TEX12: variants seen among roughly 807,000 people sequenced by gnomAD.
TEX12 encodes testis expressed 12, also known as testis-expressed protein 12.
Under a neutral mutation model 14.6 loss-of-function variants are expected in TEX12, and 7 were observed. The observed-to-expected ratio is 0.48, with a 90% CI of 0.27 to 0.90. TEX12 has a LOEUF of 0.90. Among genes scored for constraint, TEX12 ranks in the 40% least tolerant of loss-of-function variants. The probability of loss-of-function intolerance (pLI) is 0.12; values close to 1 mark genes in which losing one functional copy is unlikely to be tolerated. For synonymous variants in TEX12, 57 were observed against 49.1 expected (o/e 1.16, Z -0.67); for missense variants, 121 against 135.7 (o/e 0.89, Z 0.54).
chr11:112,168,858 A>T (rs1288897438), intron 1 of TEX12, among the ~76,000 whole-genome samples: 2 of 152,164 alleles, frequency 1.3e-5, no homozygotes, highest in Non-Finnish European at 2.9e-5. Flanking sequence ...GGCCGAAGAT[A>T]AAAGAATCTT....
rs1322387852 is a variant in TEX12 at position 112,172,081 on chromosome 11, C to G, written c.*165C>G. The stretch of plus-strand genomic sequence containing the variant: ...GGTTTAAAAAGGAACTTTTAAATTC[C>G]TTAATGTTAATATTAATGTTCATGT... On this transcript the variant is annotated 3_prime_UTR_variant, in exon 5 of 5. Coordinates refer to ENST00000280358, the MANE Select transcript of TEX12 (RefSeq NM_031275.4). 1.9e-5 allele frequency: 8 copies of G among 417,604 alleles called. No homozygotes were observed. 25.9% of individuals were successfully genotyped at this position (417,604 alleles called of 1,614,324 possible). A position where few individuals can be genotyped will look rare whatever the true frequency, so the allele number is the denominator to read the frequency against.
At chr11:112,170,863 T>A (rs951633675) in intron 4 of TEX12, among the ~76,000 whole-genome samples, 189 bp downstream of exon 4, 2 of 152,282 alleles carry the variant, frequency 1.3e-5, no homozygotes, top group African/African-American at 2.4e-5. Context: ...ACTTTTCCAC[T>A]AAAAATCCTT....
At chr11:112,168,927 A>T (rs1335729985) in intron 1 of TEX12, among the ~76,000 whole-genome samples, 1 of 152,236 alleles carries the variant, frequency 6.6e-6, no homozygotes, top group Admixed American at 6.5e-5. Flanking sequence ...GGCTAAGTAC[A>T]TAGAGAGGAG....
intron 1 of TEX12, among the ~76,000 whole-genome samples, 192 bp downstream of exon 1, chr11:112,167,679 C>T (rs1188889836): frequency 3.3e-5 from 5 of 152,122 alleles, no homozygotes; most frequent in Non-Finnish European, 5.9e-5. Context: ...TGCTTAGTAA[C>T]AGCCAGGTCA....
Position 112,170,718 on chromosome 11 carries a change from T to A in TEX12, c.227+44T>A, listed in dbSNP as rs756238701. The A allele has an allele frequency of 2.7e-6, 4 of 1,480,906 alleles. No homozygotes were observed. The South Asian group carries it at 4.7e-5, about 17-fold the overall frequency. 91.7% of individuals were successfully genotyped at this position (1,480,906 alleles called of 1,614,324 possible). On this transcript the variant is annotated intron_variant, in intron 4 of 4. Transcript: ENST00000280358. ...TTCTCTGGGGTCTTTATGTTAGTTT[T>A]CTTCTGGAAACTCTGTATTGGGAAG...
rs1457242797 is a variant in TEX12 at position 112,172,206 on chromosome 11, T to A, written c.*290T>A. 1 of 168,610 alleles carries A rather than the reference T, an allele frequency of 5.9e-6. No individual in the cohort carries two copies. Among genetic ancestry groups the A allele is most frequent in the African/African-American group, 2.4e-5 (1 of 42,176 alleles). 10.4% of individuals were successfully genotyped at this position (168,610 alleles called of 1,614,324 possible). On this transcript the variant is annotated 3_prime_UTR_variant, in exon 5 of 5. Transcript: ENST00000280358. ...AGAAGTGTAAATTATTTAAATCTTA[T>A]GTGGATTCTTTTATTTTTTCCTTAA...
intron 4 of TEX12, 144 bp downstream of exon 4, chr11:112,170,818 A>G (rs998342865): frequency 3.3e-6 from 2 of 607,640 alleles, no homozygotes; most frequent in Admixed American, 6.3e-5. Flanking sequence ...GTCCCTTATA[A>G]TAGATTAGTT....
At position 112,170,443 on chromosome 11, in the gene TEX12, C is replaced by T. The variant is rs558166091; in HGVS notation, c.88C>T (p.Leu30=). ...LESPVPDSPQ[L]SSLGKSDSSF... ...GTCTCCAGTGCCAGATAGTCCACAG[C>T]TGTCCTCTCTTGGAAAATCAGATTC... The change falls in exon 3 of 5, where the codon CTG becomes TTG. Residue 30 remains leucine (L), a synonymous_variant. Transcript: ENST00000280358. 57 of 1,613,362 alleles carry T rather than the reference C, an allele frequency of 3.5e-5. 2 individuals are homozygous for T. In the South Asian group the frequency reaches 5.9e-4, roughly 17 times the overall value.
Position 112,172,016 on chromosome 11 carries a change from T to G in TEX12, c.*100T>G. The G allele has an allele frequency of 1.1e-6, 1 of 926,582 alleles. No homozygotes were observed. Among genetic ancestry groups the G allele is most frequent in the South Asian group, 3.6e-5 (1 of 28,162 alleles). The allele number at this position is 926,582 out of a possible 1,614,324, so 57.4% of individuals were successfully genotyped here. On this transcript the variant is annotated 3_prime_UTR_variant, in exon 5 of 5. Coordinates refer to ENST00000280358, the MANE Select transcript of TEX12 (RefSeq NM_031275.4). Reference sequence around the variant, plus strand: ...AGCTCTCGAGTTGTTAAAGAAAATGTATATCTCGAATAGAGAAGGGGAAAC... The same window carrying G: ...AGCTCTCGAGTTGTTAAAGAAAATGGATATCTCGAATAGAGAAGGGGAAAC...
At chr11:112,169,944 G>T (rs922584909) in intron 2 of TEX12, among the ~76,000 whole-genome samples, 5 of 152,202 alleles carry the variant, frequency 3.3e-5, no homozygotes, top group African/African-American at 1.2e-4. Flanking sequence ...GCTGAGGCAG[G>T]AGTATCGTTT....
At chr11:112,170,060 G>A (rs146161231) in intron 2 of TEX12, among the ~76,000 whole-genome samples, 2 of 152,206 alleles carry the variant, frequency 1.3e-5, no homozygotes, top group African/African-American at 4.8e-5. Context: ...TGTTCCTGTA[G>A]TCCTAGCTAC....
Position 112,171,796 on chromosome 11 carries a change from T to G in TEX12, c.252T>G (p.Ser84=). ...LLSERAAVDA[S]YIDEIDELFK... ...GTGAGAGAGCAGCAGTAGATGCATC[T>G]TACATTGATGAGATAGATGAACTCT... Residue 84 remains serine (S), a synonymous_variant, in exon 5 of 5, where the codon TCT becomes TCG. Transcript: ENST00000280358. 3 of 1,575,776 alleles carry G rather than the reference T, an allele frequency of 1.9e-6. No homozygotes were observed. The highest frequency in any genetic ancestry group is 2.6e-6 in the Non-Finnish European group (3 of 1,164,650).
chr11:112,171,256 A>G (rs1429254761), intron 4 of TEX12, among the ~76,000 whole-genome samples: 2 of 152,176 alleles, frequency 1.3e-5, no homozygotes, highest in East Asian at 3.9e-4. Context: ...TATATGGCAG[A>G]ATGTTCTTAG....
intron 1 of TEX12, among the ~76,000 whole-genome samples, chr11:112,168,842 G>A (rs1181853041): frequency 2.6e-5 from 4 of 152,106 alleles, no homozygotes; most frequent in African/African-American, 7.2e-5. Context: ...GTGAGCCAGC[G>A]CGCCCGGCCG....
intron 4 of TEX12, among the ~76,000 whole-genome samples, chr11:112,170,991 AATG>A (rs1450469017): frequency 7.9e-5 from 12 of 152,124 alleles, no homozygotes; most frequent in African/African-American, 2.9e-4. Context: ...TGATGAAATT[AATG>A]ATAACAGACT....
intron 4 of TEX12, 46 bp from the exon 5 acceptor site, chr11:112,171,726 T>A (rs1866792424): frequency 1.7e-6 from 2 of 1,186,188 alleles, no homozygotes; most frequent in Non-Finnish European, 2.2e-6. Flanking sequence ...CATAATGATG[T>A]TGTTTATATC....
At chr11:112,169,540 C>G (rs1866766656) in intron 2 of TEX12, among the ~76,000 whole-genome samples, 1 of 152,128 alleles carries the variant, frequency 6.6e-6, no homozygotes, top group South Asian at 2.1e-4. Flanking sequence ...TGGGAGATTT[C>G]TTTTTGGTAG....
At position 112,170,370 on chromosome 11, in the gene TEX12, C is replaced by T. The variant is rs940728530; in HGVS notation, c.64-49C>T. 3.2e-6 allele frequency: 4 copies of T among 1,266,756 alleles called. No homozygotes were observed. In the African/African-American group the frequency reaches 6.1e-5, roughly 19 times the overall value. The allele number at this position is 1,266,756 out of a possible 1,614,324, so 78.5% of individuals were successfully genotyped here. On this transcript the variant is annotated intron_variant, in intron 2 of 4. Transcript: ENST00000280358. ...TTCTTAATAAACAAAATGTATATGT[C>T]CTGAAGATCTTATTGACTGTACCTG...
rs779584263 is a variant in TEX12, at chr11:112,169,234, A to G, written c.-16-19A>G. The G allele has an allele frequency of 6.3e-7, 1 of 1,577,750 alleles. No homozygotes were observed. The highest frequency in any genetic ancestry group is 8.7e-7 in the Non-Finnish European group (1 of 1,147,258). ...CATGGAGTTTGTACCTAAATCTGGC[A>G]TTGTTCTAAGCTTTGTAGCTGGTGC... is the stretch of plus-strand genomic sequence containing the variant. On this transcript the variant is annotated intron_variant, in intron 1 of 4. Transcript: ENST00000280358.
Sources: allele counts gnomAD v4.1 joint callset (sites outside exome capture counted in the v4.1 genomes callset), GRCh38; gene constraint gnomAD v4.1.1; transcripts MANE v1.5; gene names NCBI Gene and HGNC (gene_info 2026-07-23, HGNC 2026-07-21).